STAC: variants seen among roughly 807,000 people sequenced by gnomAD.
STAC encodes the protein SH3 and cysteine-rich domain-containing protein.
A neutral mutation model predicts 48.8 loss-of-function variants in STAC; 43 were observed. The observed-to-expected ratio is 0.88, with a 90% CI of 0.69 to 1.14. The LOEUF (loss-of-function observed/expected upper bound fraction) is 1.14, where lower values mean the gene tolerates loss of function less well. STAC is among the 50% of genes most tolerant of loss of function. The pLI is 0.00. For missense variants in STAC, 497 were observed against 504.0 expected (o/e 0.99, Z 0.13); for synonymous variants, 193 against 179.5 (o/e 1.07, Z -0.60).
chr3:36,474,098 AT>A (rs1193490165), intron 2 of STAC, among the ~76,000 whole-genome samples: 1 of 152,204 alleles, frequency 6.6e-6, no homozygotes, highest in African/African-American at 2.4e-5. Flanking sequence ...TGTAGTATAT[AT>A]AGTGGGCTGT....
intron 1 of STAC, among the ~76,000 whole-genome samples, chr3:36,438,956 T>C (rs1412774963): frequency 2.0e-5 from 3 of 152,310 alleles, no homozygotes; most frequent in East Asian, 1.9e-4. Context: ...ATTTGAAATA[T>C]ATAAAATGAA....
intron 6 of STAC, 27 bp from the exon 7 acceptor site, chr3:36,504,366 G>A (rs1351734695): frequency 8.1e-6 from 13 of 1,602,054 alleles, no homozygotes; most frequent in Non-Finnish European, 8.5e-7. Flanking sequence ...GATTCATAGA[G>A]CACCTGCTTT....
chr3:36,380,879 G>A (rs1699494923), intron 1 of STAC, 125 bp downstream of exon 1: 4 of 533,462 alleles, frequency 7.5e-6, no homozygotes, highest in South Asian at 6.6e-5. Flanking sequence ...GCCCAGGGCT[G>A]TAGGACTTGA....
At chr3:36,441,595 C>A (rs1246952758) in intron 1 of STAC, among the ~76,000 whole-genome samples, 2 of 152,140 alleles carry the variant, frequency 1.3e-5, no homozygotes, top group African/African-American at 4.8e-5. Context: ...ATTCCCTTTC[C>A]TTTAGATAAA....
At chr3:36,461,397 T>C (rs1024162366) in intron 2 of STAC, among the ~76,000 whole-genome samples, 1 of 152,210 alleles carries the variant, frequency 6.6e-6, no homozygotes, top group African/African-American at 2.4e-5. Context: ...AACCCTGTTC[T>C]GAACACTTGG....
chr3:36,463,794 T>C (rs1697087892), intron 2 of STAC, among the ~76,000 whole-genome samples: 1 of 151,798 alleles, frequency 6.6e-6, no homozygotes, highest in Non-Finnish European at 1.5e-5. Context: ...GATAGTTTAC[T>C]GAGAATGATG....
rs550678235 is a variant in STAC, at chr3:36,503,129, A to T, written c.767-1264A>T. 1.9e-4 allele frequency among the ~76,000 whole-genome samples: 29 copies of T among 152,340 alleles called. No homozygotes were observed. In the South Asian group the frequency reaches 6.0e-3, roughly 32 times the overall value. ...TACTGACATTTCTTTGATAATCTGAAGGGAAATCAAAGAGAAGAATAAAGC... is the reference window on the plus strand; with the variant it reads ...TACTGACATTTCTTTGATAATCTGATGGGAAATCAAAGAGAAGAATAAAGC... On this transcript the variant is annotated intron_variant, in intron 6 of 10. Coordinates refer to ENST00000273183, the MANE Select transcript of STAC (RefSeq NM_003149.3).
intron 2 of STAC, among the ~76,000 whole-genome samples, chr3:36,471,384 C>A (rs1417893984): frequency 6.6e-6 from 1 of 152,170 alleles, no homozygotes; most frequent in East Asian, 1.9e-4. Context: ...CAAACCATAT[C>A]ATTCCACCCC....
intron 1 of STAC, among the ~76,000 whole-genome samples, chr3:36,391,765 G>C (rs918112668): frequency 6.6e-6 from 1 of 152,154 alleles, no homozygotes; most frequent in Non-Finnish European, 1.5e-5. Flanking sequence ...GCAGCTCCCA[G>C]AGCATGCTTC....
chr3:36,489,973 C>T (rs894771014), intron 5 of STAC, among the ~76,000 whole-genome samples: 1 of 152,196 alleles, frequency 6.6e-6, no homozygotes, highest in African/African-American at 2.4e-5. Context: ...ACTGCAAAAT[C>T]TGAAAATCTG....
At chr3:36,466,684 G>C (rs958582623) in intron 2 of STAC, among the ~76,000 whole-genome samples, 2 of 152,068 alleles carry the variant, frequency 1.3e-5, no homozygotes, top group Admixed American at 6.6e-5. Context: ...ATTGATTTGG[G>C]TACATTAGGT....
At chr3:36,489,429 C>T (rs554913989) in intron 5 of STAC, among the ~76,000 whole-genome samples, 2 of 152,364 alleles carry the variant, frequency 1.3e-5, no homozygotes, top group Admixed American at 6.5e-5. Context: ...TCTGTCCAGA[C>T]ATTCAAACTA....
intron 5 of STAC, among the ~76,000 whole-genome samples, chr3:36,492,031 A>AAAAATATAT (rs1553639882): frequency 6.1e-5 from 1 of 16,436 alleles, no homozygotes; most frequent in African/African-American, 1.9e-4. Flanking sequence ...AAAAAAAAAA[A>AAAAATATAT]ATATATATAT....
intron 10 of STAC, among the ~76,000 whole-genome samples, chr3:36,539,577 T>C (rs1699275605): frequency 6.6e-6 from 1 of 152,200 alleles, no homozygotes; most frequent in Non-Finnish European, 1.5e-5. Flanking sequence ...ATGGTGTATA[T>C]GTACCCCAGA....
chr3:36,509,402 G>C (rs1370924378), intron 8 of STAC, among the ~76,000 whole-genome samples: 1 of 152,042 alleles, frequency 6.6e-6, no homozygotes, highest in Non-Finnish European at 1.5e-5. Context: ...TTCTTGAGGA[G>C]TATCTTTGTG....
chr3:36,380,536 A>AGTCCCCAGGACCCGG lies in STAC; in HGVS notation c.-107_-93dup. ...ACGTCGGCGCCTCGGCGAGGATGGG[A>AGTCCCCAGGACCCGG]GTCCCCAGGACCCGGAGCTGAGCAG... On this transcript the variant is annotated 5_prime_UTR_variant, in exon 1 of 11. Coordinates refer to ENST00000273183, the MANE Select transcript of STAC (RefSeq NM_003149.3). 1.2e-6 allele frequency: 1 copy of AGTCCCCAGGACCCGG among 819,856 alleles called. No homozygotes were observed. The highest frequency in any genetic ancestry group is 2.0e-6 in the Non-Finnish European group (1 of 508,830). 50.8% of individuals were successfully genotyped at this position (819,856 alleles called of 1,614,324 possible). A position where few individuals can be genotyped will look rare whatever the true frequency, so the allele number is the denominator to read the frequency against.
intron 1 of STAC, among the ~76,000 whole-genome samples, chr3:36,398,523 GAGAA>G (rs1346234250): frequency 3.9e-4 from 25 of 64,120 alleles, no homozygotes; most frequent in South Asian, 1.3e-3. Flanking sequence ...AAGAAAGAGA[GAGAA>G]AGAAAGAAAG....
chr3:36,527,383 A>G (rs930448186), intron 8 of STAC, among the ~76,000 whole-genome samples: 12 of 152,184 alleles, frequency 7.9e-5, no homozygotes, highest in Non-Finnish European at 1.6e-4. Flanking sequence ...AATGAGAAAG[A>G]AAGAAAAATT....
chr3:36,476,444 G>A (rs528510427), intron 2 of STAC, among the ~76,000 whole-genome samples: 3 of 152,270 alleles, frequency 2.0e-5, no homozygotes, highest in South Asian at 4.2e-4. Flanking sequence ...AGCATGAGCC[G>A]CCCTCAAGAG....
Sources: gnomAD v4.1 joint callset for allele counts (sites outside exome capture counted in the v4.1 genomes callset) on GRCh38, gnomAD v4.1.1 for gene constraint, MANE v1.5 for transcripts, NCBI Gene and HGNC (gene_info 2026-07-23, HGNC 2026-07-21) for gene names.